LRRTM4: variants seen among roughly 807,000 people sequenced by gnomAD.
LRRTM4 encodes leucine-rich repeat transmembrane neuronal protein 4.
In LRRTM4, 25 loss-of-function variants were observed where a neutral mutation model predicts 47.6. That is an observed-to-expected ratio of 0.53 (90% CI 0.38 to 0.73). The LOEUF (loss-of-function observed/expected upper bound fraction) is 0.73. LRRTM4 is among the 30% of genes least tolerant of loss of function. The pLI is 0.00. For synonymous variants in LRRTM4, 311 were observed against 269.5 expected (o/e 1.15, Z -1.51); for missense variants, 638 against 713.4 (o/e 0.89, Z 1.20).
At chr2:77,140,060 T>G (rs550484246) in intron 3 of LRRTM4, among the ~76,000 whole-genome samples, 5 of 152,272 alleles carry the variant, frequency 3.3e-5, no homozygotes, top group South Asian at 4.1e-4. Context: ...CAAGGTAATT[T>G]ATAGATTCAA....
chr2:77,114,139 A>G (rs1671325918), intron 3 of LRRTM4, among the ~76,000 whole-genome samples: 1 of 152,006 alleles, frequency 6.6e-6, no homozygotes, highest in South Asian at 2.1e-4. Context: ...AACTGTAGTA[A>G]CTGCAGGGGG....
At chr2:77,445,494 T>G (rs1046201560) in intron 3 of LRRTM4, among the ~76,000 whole-genome samples, 2 of 152,012 alleles carry the variant, frequency 1.3e-5, no homozygotes, top group African/African-American at 4.8e-5. Flanking sequence ...TTCTTCCTCC[T>G]TTTTCCCAAG....
chr2:77,155,850 T>A (rs1293640867), intron 3 of LRRTM4, among the ~76,000 whole-genome samples: 2 of 152,010 alleles, frequency 1.3e-5, no homozygotes, highest in African/African-American at 4.8e-5. Context: ...TGGTTAACAG[T>A]AAAAAATATC....
intron 3 of LRRTM4, among the ~76,000 whole-genome samples, chr2:77,260,984 A>AT (rs141283434): frequency 0.058 from 8,760 of 151,986 alleles, 906 homozygotes; most frequent in African/African-American, 0.2. Context: ...CATATTTCCT[A>AT]TTTTTTTCAT....
intron 3 of LRRTM4, among the ~76,000 whole-genome samples, chr2:76,764,186 G>T (rs1673365947): frequency 1.3e-5 from 2 of 152,142 alleles, no homozygotes; most frequent in Admixed American, 1.3e-4. Context: ...ATGAATTGAA[G>T]AAGAAATTAT....
At chr2:77,481,318 A>C (rs1000972025) in intron 3 of LRRTM4, among the ~76,000 whole-genome samples, 3 of 152,152 alleles carry the variant, frequency 2.0e-5, no homozygotes, top group African/African-American at 7.2e-5. Flanking sequence ...ATAGATCTAG[A>C]ACATGGTAGA....
chr2:76,802,812 T>C (rs919271489), intron 3 of LRRTM4, among the ~76,000 whole-genome samples: 2 of 152,068 alleles, frequency 1.3e-5, no homozygotes, highest in African/African-American at 4.8e-5. Context: ...TTACAGTCAA[T>C]TGGTTTTTGA....
At chr2:77,087,727 T>C (rs1443213632) in intron 3 of LRRTM4, among the ~76,000 whole-genome samples, 5 of 152,062 alleles carry the variant, frequency 3.3e-5, no homozygotes, top group African/African-American at 4.8e-5. Context: ...ACAGATATAA[T>C]TGAAAATGAT....
At chr2:76,975,891 T>G (rs72823135) in intron 3 of LRRTM4, among the ~76,000 whole-genome samples, 19,614 of 151,698 alleles carry the variant, frequency 0.13, 1,539 homozygotes, top group Admixed American at 0.2. Flanking sequence ...TAACAACATT[T>G]GAGAAGAGGT....
intron 3 of LRRTM4, among the ~76,000 whole-genome samples, chr2:77,124,262 C>T (rs2103961785): frequency 6.6e-6 from 1 of 152,146 alleles, no homozygotes; most frequent in East Asian, 1.9e-4. Flanking sequence ...AGCAAAGAGA[C>T]TGATAGAATG....
intron 3 of LRRTM4, among the ~76,000 whole-genome samples, chr2:77,105,703 T>C (rs1404232978): frequency 1.3e-5 from 2 of 152,118 alleles, no homozygotes; most frequent in Non-Finnish European, 2.9e-5. Context: ...ACTAAAATAT[T>C]TACAGAAATA....
chr2:76,847,735 T>A (rs1161415221), intron 3 of LRRTM4, among the ~76,000 whole-genome samples: 1 of 152,124 alleles, frequency 6.6e-6, no homozygotes, highest in East Asian at 1.9e-4. Flanking sequence ...TTACCTTTAT[T>A]AACTACTTTA....
chr2:76,811,630 A>T (rs535902413), intron 3 of LRRTM4, among the ~76,000 whole-genome samples: 32 of 152,304 alleles, frequency 2.1e-4, no homozygotes, highest in African/African-American at 7.5e-4. Flanking sequence ...TTTATGTAAA[A>T]TGCAAGGGTT....
chr2:76,965,817 C>G (rs890289412), intron 3 of LRRTM4, among the ~76,000 whole-genome samples: 2 of 151,348 alleles, frequency 1.3e-5, no homozygotes, highest in African/African-American at 4.8e-5. Context: ...TATATGTGCT[C>G]ATTTAGGACA....
intron 3 of LRRTM4, among the ~76,000 whole-genome samples, chr2:76,910,786 C>T (rs868526801): frequency 1.3e-5 from 2 of 152,178 alleles, no homozygotes; most frequent in East Asian, 1.9e-4. Flanking sequence ...ATCACTTTCT[C>T]TTCCAGTTTC....
intron 3 of LRRTM4, among the ~76,000 whole-genome samples, chr2:77,138,435 A>G (rs1672015383): frequency 6.6e-6 from 1 of 152,212 alleles, no homozygotes; most frequent in Non-Finnish European, 1.5e-5. Context: ...AAGAACAAAG[A>G]CACAACATAC....
chr2:77,251,081 C>T (rs1427753003), intron 3 of LRRTM4, among the ~76,000 whole-genome samples: 1 of 149,550 alleles, frequency 6.7e-6, no homozygotes, highest in Admixed American at 6.7e-5. Flanking sequence ...CCAGCCTGGG[C>T]AACAAGAGCA....
chr2:76,916,384 CAAAAAAAAA>C (rs57874749), intron 3 of LRRTM4, among the ~76,000 whole-genome samples: 11 of 53,502 alleles, frequency 2.1e-4, no homozygotes, highest in African/African-American at 7.2e-4. Context: ...GACTGTGTCT[CAAAAAAAAA>C]AAAAAAAAAA....
intron 3 of LRRTM4, among the ~76,000 whole-genome samples, chr2:76,974,183 C>CAT (rs1212091446): frequency 9.8e-6 from 1 of 102,434 alleles, no homozygotes; most frequent in Non-Finnish European, 1.8e-5. Flanking sequence ...CATATATATA[C>CAT]ATACATATAT....
Sources: allele counts gnomAD v4.1 joint callset (sites outside exome capture counted in the v4.1 genomes callset), GRCh38; gene constraint gnomAD v4.1.1; transcripts MANE v1.5; gene names NCBI Gene and HGNC (gene_info 2026-07-23, HGNC 2026-07-21).